AKAP19: variants seen among roughly 807,000 people sequenced by gnomAD.
AKAP19 encodes the protein small A-kinase anchoring protein.
At chr2:190,009,784 G>T in the AKAP19 span, among the ~76,000 whole-genome samples, 1 of 151,972 alleles carries the variant, frequency 6.6e-6, no homozygotes, top group Non-Finnish European at 1.5e-5. Flanking sequence ...GAAGAGAAAT[G>T]GATCAAAGAC....
At chr2:190,149,429 C>T in the AKAP19 span, among the ~76,000 whole-genome samples, 1 of 152,036 alleles carries the variant, frequency 6.6e-6, no homozygotes, top group Admixed American at 6.6e-5. Flanking sequence ...TGAGTTTGTG[C>T]TCTTTCAGCG....
the AKAP19 span, among the ~76,000 whole-genome samples, chr2:190,019,528 G>A: frequency 1.3e-5 from 2 of 151,968 alleles, no homozygotes; most frequent in Non-Finnish European, 2.9e-5. Context: ...CCTCTGATGT[G>A]GTGCCACTGC....
chr2:190,070,622 C>T, the AKAP19 span, among the ~76,000 whole-genome samples: 34 of 136,722 alleles, frequency 2.5e-4, 1 homozygote, highest in South Asian at 6.0e-3. Flanking sequence ...TCTCCCCCCC[C>T]CCTTTTTTTT....
chr2:190,045,448 G>A, the AKAP19 span, among the ~76,000 whole-genome samples: 1 of 152,168 alleles, frequency 6.6e-6, no homozygotes, highest in Non-Finnish European at 1.5e-5. Context: ...CTGGCTGAGA[G>A]GTCCTGCCCA....
chr2:190,057,880 T>G, the AKAP19 span, among the ~76,000 whole-genome samples: 1 of 152,056 alleles, frequency 6.6e-6, no homozygotes, highest in South Asian at 2.1e-4. Flanking sequence ...TTTTAAGTTT[T>G]ATTTTTCCAA....
At chr2:190,173,288 T>A in the AKAP19 span, among the ~76,000 whole-genome samples, 1 of 152,298 alleles carries the variant, frequency 6.6e-6, no homozygotes, top group Middle Eastern at 3.4e-3. Context: ...AAAATATTCG[T>A]ACATAGATAG....
At chr2:190,196,310 A>T in the AKAP19 span, among the ~76,000 whole-genome samples, 1 of 152,094 alleles carries the variant, frequency 6.6e-6, no homozygotes, top group Non-Finnish European at 1.5e-5. Context: ...CAAGTTCACT[A>T]ATCCTATCTT....
chr2:190,003,431 T>C, the AKAP19 span, among the ~76,000 whole-genome samples: 1 of 152,126 alleles, frequency 6.6e-6, no homozygotes, highest in Non-Finnish European at 1.5e-5. Flanking sequence ...TTTATATGAG[T>C]CTTTTCATAG....
chr2:189,957,434 T>C, the AKAP19 span, among the ~76,000 whole-genome samples: 1 of 152,198 alleles, frequency 6.6e-6, no homozygotes, highest in Non-Finnish European at 1.5e-5. Context: ...ACATAAGTTA[T>C]AGAAAAGTTT....
chr2:190,183,471 T>A, the AKAP19 span, among the ~76,000 whole-genome samples: 1 of 152,210 alleles, frequency 6.6e-6, no homozygotes, highest in Non-Finnish European at 1.5e-5. Context: ...AAATGAATGA[T>A]TCTTAGCAAA....
At chr2:190,108,759 T>C in the AKAP19 span, among the ~76,000 whole-genome samples, 2 of 149,616 alleles carry the variant, frequency 1.3e-5, no homozygotes, top group African/African-American at 4.9e-5. Flanking sequence ...GAGCTGGTGG[T>C]AGAGGCTATT....
the AKAP19 span, chr2:190,180,878 G>C: frequency 1.6e-5 from 16 of 985,312 alleles, no homozygotes; most frequent in Non-Finnish European, 1.9e-5. The surrounding 1 kb of genome is among the most constrained non-coding windows in gnomAD (Gnocchi z 6.8). Context: ...CTGCCACTTG[G>C]CTGAGCCGGG....
chr2:190,009,034 ACT>A, the AKAP19 span, among the ~76,000 whole-genome samples: 1 of 151,994 alleles, frequency 6.6e-6, no homozygotes, highest in African/African-American at 2.4e-5. Flanking sequence ...TAACACAAAG[ACT>A]CTAAAATGGG....
the AKAP19 span, among the ~76,000 whole-genome samples, chr2:190,064,829 C>T: frequency 6.6e-6 from 1 of 152,152 alleles, no homozygotes; most frequent in African/African-American, 2.4e-5. Flanking sequence ...CATGTTCCAG[C>T]TCTTTATTCT....
chr2:189,917,278 T>A, the AKAP19 span: 1 of 1,393,564 alleles, frequency 7.2e-7, no homozygotes, highest in South Asian at 1.3e-5. Context: ...AGCAAATCAG[T>A]TTTGGTTTCT....
the AKAP19 span, among the ~76,000 whole-genome samples, chr2:189,951,355 G>T: frequency 6.6e-6 from 1 of 151,806 alleles, no homozygotes; most frequent in Non-Finnish European, 1.5e-5. Context: ...GCATGTGCCA[G>T]CGCACCCGGC....
At chr2:190,111,108 C>G in the AKAP19 span, among the ~76,000 whole-genome samples, 1 of 152,114 alleles carries the variant, frequency 6.6e-6, no homozygotes, top group Non-Finnish European at 1.5e-5. Context: ...CACAGAGCCC[C>G]CCCAGAGCAC....
the AKAP19 span, among the ~76,000 whole-genome samples, chr2:189,906,384 G>A: frequency 6.6e-6 from 1 of 152,018 alleles, no homozygotes; most frequent in Non-Finnish European, 1.5e-5. Context: ...CCTGGAAATA[G>A]TATTTTTAGA....
At chr2:190,010,280 A>G in the AKAP19 span, among the ~76,000 whole-genome samples, 4 of 152,234 alleles carry the variant, frequency 2.6e-5, no homozygotes, top group Non-Finnish European at 4.4e-5. Context: ...ATGGGTGCAG[A>G]AAACAATTTG....
Sources: allele counts gnomAD v4.1 joint callset (sites outside exome capture counted in the v4.1 genomes callset), GRCh38; gene constraint gnomAD v4.1.1; non-coding constraint Gnocchi (gnomAD v3.1); transcripts MANE v1.5; gene names NCBI Gene and HGNC (gene_info 2026-07-23, HGNC 2026-07-21).